The following ANK3 variants were observed in gnomAD, a reference collection of about 807,000 sequenced individuals.
The protein encoded by ANK3 is ankyrin-3.
A neutral mutation model predicts 370.9 loss-of-function variants in ANK3; 57 were observed. That is an observed-to-expected ratio of 0.15 (90% confidence interval 0.12 to 0.19). The LOEUF (loss-of-function observed/expected upper bound fraction) is 0.19. Among genes scored for constraint, ANK3 ranks in the 10% least tolerant of loss-of-function variants. The pLI, the probability that ANK3 is intolerant of heterozygous loss-of-function variation, is 1.00. For synonymous variants in ANK3, 1,929 were observed against 1,946.3 expected (o/e 0.99, Z 0.23); for missense variants, 4,439 against 5,302.1 (o/e 0.84, Z 5.06).
intron 1 of ANK3, among the ~76,000 whole-genome samples, chr10:60,373,632 A>AG (rs986122565): frequency 1.1e-4 from 16 of 152,192 alleles, no homozygotes; most frequent in African/African-American, 3.4e-4. Flanking sequence ...GAGGAAAAAA[A>AG]GTGATCTCAT....
Position 60,088,277 on chromosome 10 carries a change from A to G in ANK3, c.3410T>C (p.Val1137Ala), listed in dbSNP as rs2087207055. The G allele has an allele frequency of 4.6e-5, 74 of 1,614,116 alleles. No homozygotes were observed. The highest frequency in any genetic ancestry group is 6.0e-5 in the Non-Finnish European group (71 of 1,180,036). The change falls in exon 29 of 44, where the codon GTT (valine) becomes GCT (alanine). Residue 1137 changes from valine to alanine, a missense_variant. By Grantham distance (64) the Val-to-Ala change is moderately conservative. Around this residue, in one of 13 missense-constraint regions of ANK3, gnomAD observed 702 missense variants for 941.5 expected, o/e 0.75. Transcript: ENST00000280772. Reference protein sequence around the residue: ...TKDFPQYFAVVSRIKQESNQI... With the variant: ...TKDFPQYFAVASRIKQESNQI... ...GTTGCTTTCCTGCTTAATCCGGGAAACCACTGCAAAATACTGGGGGAAATC... is the reference window on the plus strand; with the variant it reads ...GTTGCTTTCCTGCTTAATCCGGGAAGCCACTGCAAAATACTGGGGGAAATC...
At chr10:60,080,356 C>T (rs979428642) in intron 36 of ANK3, 181 bp downstream of exon 36, 14 of 562,416 alleles carry the variant, frequency 2.5e-5, no homozygotes, top group South Asian at 4.9e-5. Context: ...GAGCTAGGGG[C>T]GTTTTTACCT....
chr10:60,209,592 A>T (rs943467830), intron 9 of ANK3, among the ~76,000 whole-genome samples: 2 of 152,222 alleles, frequency 1.3e-5, no homozygotes, highest in African/African-American at 4.8e-5. Flanking sequence ...CTGTCAGCCC[A>T]TCAGGATATT....
chr10:60,278,252 T>C (rs2098117683), intron 4 of ANK3, among the ~76,000 whole-genome samples: 1 of 152,230 alleles, frequency 6.6e-6, no homozygotes, highest in Non-Finnish European at 1.5e-5. Flanking sequence ...GACCCTGCAT[T>C]ACAGATACCC....
intron 1 of ANK3, among the ~76,000 whole-genome samples, chr10:60,672,671 T>TTA (rs2079076627): frequency 2.0e-5 from 3 of 152,208 alleles, no homozygotes; most frequent in African/African-American, 7.2e-5. Context: ...TTCTCTGAGT[T>TTA]CTGCTGGAAG....
chr10:60,548,083 A>G (rs1169472579), intron 2 of ANK3, among the ~76,000 whole-genome samples: 1 of 152,144 alleles, frequency 6.6e-6, no homozygotes, highest in African/African-American at 2.4e-5. Flanking sequence ...TTTCCAAAGT[A>G]TTTGAAAACG....
rs79468337 is a variant in ANK3, at chr10:60,512,648, T to C, written c.96+102538A>G. ...CTCTCTTCATTTAATGGGAAGATGATTCTTTCAAAACCTTATGGCAATCTG... is the reference window on the plus strand; with the variant it reads ...CTCTCTTCATTTAATGGGAAGATGACTCTTTCAAAACCTTATGGCAATCTG... On this transcript the variant is annotated intron_variant, in intron 2 of 43. Coordinates refer to the ANK3 transcript ENST00000373827. 7.8e-3 allele frequency among the ~76,000 whole-genome samples: 1,186 copies of C among 152,250 alleles called. 5 individuals carry two copies. Among genetic ancestry groups the C allele is most frequent in the Non-Finnish European group, 0.014 (962 of 67,998 alleles).
chr10:60,325,352 T>G (rs1040308717), intron 1 of ANK3, among the ~76,000 whole-genome samples: 5 of 152,326 alleles, frequency 3.3e-5, no homozygotes, highest in South Asian at 4.1e-4. Flanking sequence ...GAGACAAATG[T>G]CCACTTTTGG....
chr10:60,678,787 G>A (rs925820327), intron 1 of ANK3, among the ~76,000 whole-genome samples: 1 of 152,158 alleles, frequency 6.6e-6, no homozygotes, highest in Non-Finnish European at 1.5e-5. Flanking sequence ...AATTAATGCA[G>A]TTCTGTAACT....
rs528654629 is a variant in ANK3, at chr10:60,177,619, A to T, written c.2184+3710T>A. On this transcript the variant is annotated intron_variant, in intron 18 of 43. Transcript: ENST00000280772. Reference sequence around the variant, plus strand: ...TTTTTTTTTTTTTTTTTTGTTTGAGATGGAGTCTCGCTCTGTCGCCCAGGC... The same window carrying T: ...TTTTTTTTTTTTTTTTTTGTTTGAGTTGGAGTCTCGCTCTGTCGCCCAGGC... Among the ~76,000 whole-genome samples, 19 of 14,384 alleles carry T rather than the reference A, an allele frequency of 1.3e-3. 1 individual carries two copies. The highest frequency in any genetic ancestry group is 0.01 in the Admixed American group (14 of 1,398). 9.4% of individuals were successfully genotyped at this position (14,384 alleles called of 152,430 possible).
intron 41 of ANK3, among the ~76,000 whole-genome samples, chr10:60,058,152 T>C (rs1189683013): frequency 6.6e-6 from 1 of 152,222 alleles, no homozygotes; most frequent in Admixed American, 6.5e-5. Flanking sequence ...ACATCCTCTC[T>C]TTTTCTATCT....
intron 23 of ANK3, chr10:60,144,291 G>A (rs2094706111): frequency 2.6e-6 from 1 of 379,802 alleles, no homozygotes; most frequent in African/African-American, 2.2e-5. Context: ...GTTGCCTAAT[G>A]TATCACTAAT....
intron 1 of ANK3, among the ~76,000 whole-genome samples, chr10:60,666,649 A>C (rs1341643871): frequency 3.3e-5 from 5 of 152,190 alleles, no homozygotes; most frequent in Non-Finnish European, 1.5e-5. Flanking sequence ...AGAGAGAAAA[A>C]AGAGGTGTGC....
intron 2 of ANK3, among the ~76,000 whole-genome samples, chr10:60,566,627 C>T (rs1490209204): frequency 6.6e-6 from 1 of 152,196 alleles, no homozygotes; most frequent in Admixed American, 6.5e-5. Flanking sequence ...AATTCCAGCA[C>T]TTTGGAAGGC....
chr10:60,496,722 T>A (rs1364186090), intron 2 of ANK3, among the ~76,000 whole-genome samples: 2 of 132,742 alleles, frequency 1.5e-5, no homozygotes, highest in East Asian at 4.7e-4. Flanking sequence ...TCTGCATAAC[T>A]TTTTGAGACC....
chr10:60,436,812 G>A (rs1444255787), intron 2 of ANK3, among the ~76,000 whole-genome samples: 1 of 152,196 alleles, frequency 6.6e-6, no homozygotes, highest in Non-Finnish European at 1.5e-5. Flanking sequence ...ATTTTGAAAA[G>A]TATAATCTAT....
intron 24 of ANK3, 106 bp downstream of exon 24, chr10:60,138,858 T>A (rs1565255369): frequency 4.8e-6 from 7 of 1,450,220 alleles, no homozygotes; most frequent in Non-Finnish European, 5.6e-6. Flanking sequence ...CACATCTTCA[T>A]CCAAAGAACA....
chr10:60,273,110 C>T (rs951704559), intron 4 of ANK3, among the ~76,000 whole-genome samples: 15 of 152,078 alleles, frequency 9.9e-5, no homozygotes, highest in Admixed American at 2.0e-4. Flanking sequence ...ACTCTACATG[C>T]CCTGTTTTAT....
In ANK3 at chr10:60,316,305, T is replaced by C. The variant is rs10994298; in HGVS notation, c.115-36666A>G. Among the ~76,000 whole-genome samples, 562 of 152,244 alleles carry C rather than the reference T, an allele frequency of 3.7e-3. 2 individuals are homozygous for C. The highest frequency in any genetic ancestry group is 0.013 in the African/African-American group (521 of 41,526). ...ATGTATGACACCTTAGCAAACTAGA[T>C]GTCCTCACACAAACAAAAAAGCAGG... is the stretch of plus-strand genomic sequence containing the variant. On this transcript the variant is annotated intron_variant, in intron 1 of 43. Transcript: ENST00000280772.
Sources: gnomAD v4.1 joint callset for allele counts (sites outside exome capture counted in the v4.1 genomes callset) on GRCh38, gnomAD v4.1.1 for gene constraint, gnomAD v4.1.1 regional missense constraint, MANE v1.5 for transcripts, NCBI Gene and HGNC (gene_info 2026-07-23, HGNC 2026-07-21) for gene names.